Variants in DEPTOR observed in about 807,000 individuals in gnomAD.
DEPTOR encodes DEP domain-containing mTOR-interacting protein.
DEPTOR carries 41 observed loss-of-function variants against 41.6 expected under a neutral mutation model. The ratio of observed to expected loss-of-function variants is 0.98; its 90% CI spans 0.77 to 1.28. DEPTOR has a LOEUF of 1.28. Ranked by LOEUF, DEPTOR falls within the 50% of genes most tolerant of loss-of-function variation. The pLI is 0.00. For missense variants in DEPTOR, 514 were observed against 527.9 expected (o/e 0.97, Z 0.26); for synonymous variants, 195 against 192.3 (o/e 1.01, Z -0.12).
At chr8:119,920,796 G>A (rs924902384) in intron 1 of DEPTOR, among the ~76,000 whole-genome samples, 2 of 152,122 alleles carry the variant, frequency 1.3e-5, no homozygotes, top group African/African-American at 2.4e-5. Context: ...TTATACGAGT[G>A]CACATGGCTT....
At chr8:120,040,048 T>G (rs549536484) in intron 8 of DEPTOR, among the ~76,000 whole-genome samples, 1 of 151,996 alleles carries the variant, frequency 6.6e-6, no homozygotes, top group Non-Finnish European at 1.5e-5. Flanking sequence ...TTCACCATGT[T>G]GGCCAGGCTG....
intron 3 of DEPTOR, among the ~76,000 whole-genome samples, chr8:119,958,080 C>T (rs1828442219): frequency 2.0e-5 from 3 of 152,150 alleles, no homozygotes; most frequent in Admixed American, 6.6e-5. Context: ...GCTATCTATT[C>T]CTACAAAACA....
chr8:120,009,033 T>C lies in DEPTOR; in HGVS notation c.1001T>C (p.Val334Ala). The change falls in exon 8 of 9, where the codon GTT becomes GCT. Residue 334 changes from valine (V) to alanine (A), a missense_variant. Transcript: ENST00000286234. ...APYARKTFTI[V>A]GDAVGWGFVV... ...AATTGTGGTTTTCCTCTCTAGATTG[T>C]TGGTGACGCGGTTGGCTGGGGTTTT... 3 of 1,614,016 alleles carry C rather than the reference T, an allele frequency of 1.9e-6. No individual in the cohort carries two copies. Among genetic ancestry groups the C allele is most frequent in the Non-Finnish European group, 1.7e-6 (2 of 1,179,984 alleles).
chr8:119,879,892 C>T (rs373933551), intron 1 of DEPTOR, among the ~76,000 whole-genome samples: 1 of 152,006 alleles, frequency 6.6e-6, no homozygotes, highest in African/African-American at 2.4e-5. Context: ...GCCTGTAATC[C>T]CAGGACTTTG....
chr8:119,960,577 C>A (rs533871693), intron 3 of DEPTOR, among the ~76,000 whole-genome samples: 3 of 152,256 alleles, frequency 2.0e-5, no homozygotes, highest in African/African-American at 7.2e-5. Flanking sequence ...AATGTAGGTA[C>A]AATGATTACT....
chr8:120,019,134 G>A (rs914899835), intron 8 of DEPTOR, among the ~76,000 whole-genome samples: 8 of 152,050 alleles, frequency 5.3e-5, no homozygotes, highest in Non-Finnish European at 8.8e-5. Flanking sequence ...GCGAAACCCC[G>A]TCTCTACTGA....
intron 6 of DEPTOR, 25 bp from the exon 7 acceptor site, chr8:120,006,780 T>G: frequency 1.2e-6 from 2 of 1,611,714 alleles, no homozygotes; most frequent in Non-Finnish European, 8.5e-7. Flanking sequence ...AGTGCTTATG[T>G]CTTGACATTG....
chr8:119,994,368 G>A (rs4870970), intron 4 of DEPTOR, among the ~76,000 whole-genome samples: 55,209 of 152,006 alleles, frequency 0.36, 10,767 homozygotes, highest in East Asian at 0.56. Context: ...TCATTTAGCT[G>A]TTGTTAATTC....
chr8:119,999,815 G>T (rs1812320873), intron 4 of DEPTOR, among the ~76,000 whole-genome samples: 1 of 152,286 alleles, frequency 6.6e-6, no homozygotes, highest in Admixed American at 6.5e-5. Flanking sequence ...CAGGCATCAG[G>T]AATTCAGTGA....
At chr8:120,024,707 C>T (rs1466126693) in intron 8 of DEPTOR, among the ~76,000 whole-genome samples, 1 of 152,114 alleles carries the variant, frequency 6.6e-6, no homozygotes, top group Admixed American at 6.6e-5. Flanking sequence ...GAAGGATGCT[C>T]CCCTAGAGCC....
intron 8 of DEPTOR, among the ~76,000 whole-genome samples, chr8:120,033,834 T>G (rs1812932548): frequency 6.6e-6 from 1 of 152,080 alleles, no homozygotes; most frequent in Non-Finnish European, 1.5e-5. Flanking sequence ...TTGAACTGAG[T>G]CAGTCCTGAG....
intron 4 of DEPTOR, among the ~76,000 whole-genome samples, chr8:119,999,859 T>C (rs1812321468): frequency 6.6e-6 from 1 of 151,698 alleles, no homozygotes; most frequent in African/African-American, 2.4e-5. Context: ...AGGGAGAGAG[T>C]TCTTCTGCCA....
intron 8 of DEPTOR, among the ~76,000 whole-genome samples, chr8:120,013,375 A>G (rs1812561441): frequency 6.6e-6 from 1 of 152,182 alleles, no homozygotes; most frequent in African/African-American, 2.4e-5. Context: ...TCTTACCGAA[A>G]ATACTGACTC....
chr8:119,941,839 G>T (rs547821610), intron 3 of DEPTOR, among the ~76,000 whole-genome samples: 17 of 152,168 alleles, frequency 1.1e-4, no homozygotes, highest in Admixed American at 3.3e-4. Context: ...TTCAAACCCT[G>T]GTTTCCAGCT....
chr8:119,933,506 T>G (rs28447970), intron 3 of DEPTOR, among the ~76,000 whole-genome samples: 7,301 of 147,850 alleles, frequency 0.049, 271 homozygotes, highest in South Asian at 0.15. Context: ...ACACAATGTT[T>G]ATTATTTGTA....
At chr8:120,026,786 G>T (rs1399675476) in intron 8 of DEPTOR, among the ~76,000 whole-genome samples, 1 of 152,172 alleles carries the variant, frequency 6.6e-6, no homozygotes, top group Non-Finnish European at 1.5e-5. Context: ...TCACTTCAGG[G>T]CTTGGCCCAT....
intron 1 of DEPTOR, among the ~76,000 whole-genome samples, chr8:119,900,868 T>C (rs988910239): frequency 4.6e-5 from 7 of 152,314 alleles, no homozygotes; most frequent in African/African-American, 1.4e-4. Flanking sequence ...ATTTGTTATA[T>C]AAATGGCTGA....
intron 1 of DEPTOR, among the ~76,000 whole-genome samples, chr8:119,910,771 A>T (rs1827726081): frequency 6.6e-6 from 1 of 152,200 alleles, no homozygotes; most frequent in Non-Finnish European, 1.5e-5. Flanking sequence ...ACATTCTGTT[A>T]GACATAAAAA....
intron 3 of DEPTOR, among the ~76,000 whole-genome samples, chr8:119,933,138 C>T (rs914594665): frequency 2.0e-5 from 3 of 152,036 alleles, no homozygotes; most frequent in African/African-American, 7.2e-5. Flanking sequence ...CTAGAGGACT[C>T]ATGCCGCTCT....
Sources: gnomAD v4.1 joint callset for allele counts (sites outside exome capture counted in the v4.1 genomes callset) on GRCh38, gnomAD v4.1.1 for gene constraint, MANE v1.5 for transcripts, NCBI Gene and HGNC (gene_info 2026-07-23, HGNC 2026-07-21) for gene names.